DPYD: variants seen among roughly 807,000 people sequenced by gnomAD.
DPYD encodes dihydropyrimidine dehydrogenase [NADP(+)].
In DPYD, 109 loss-of-function variants were observed where a neutral mutation model predicts 116.2. That is an observed-to-expected ratio of 0.94 (90% confidence interval 0.80 to 1.10). The LOEUF (loss-of-function observed/expected upper bound fraction) is 1.10. DPYD is among the 50% of genes least tolerant of loss of function. DPYD has a pLI of 0.00. For synonymous variants in DPYD, 440 were observed against 432.0 expected (o/e 1.02, Z -0.23); for missense variants, 1,302 against 1,254.5 (o/e 1.04, Z -0.57).
At chr1:97,205,396 C>A (rs565884766) in intron 19 of DPYD, among the ~76,000 whole-genome samples, 1 of 151,598 alleles carries the variant, frequency 6.6e-6, no homozygotes, top group African/African-American at 2.4e-5. Context: ...TCCAATATGT[C>A]GTATAATTGA....
chr1:97,908,704 C>A (rs1281083323), intron 1 of DPYD, among the ~76,000 whole-genome samples: 6 of 152,088 alleles, frequency 3.9e-5, no homozygotes, highest in Non-Finnish European at 8.8e-5. Context: ...ACATACCACT[C>A]CAATCTTTAC....
intron 12 of DPYD, chr1:97,545,949 C>T: frequency 8.6e-7 from 1 of 1,161,774 alleles, no homozygotes; most frequent in South Asian, 1.2e-5. Context: ...TCATACTCTA[C>T]TGCACTTCCT....
At chr1:97,669,105 T>A (rs930117969) in intron 8 of DPYD, among the ~76,000 whole-genome samples, 2 of 152,118 alleles carry the variant, frequency 1.3e-5, no homozygotes, top group African/African-American at 4.8e-5. Flanking sequence ...GGGGTGGGTG[T>A]GAACAGAGCC....
At chr1:97,455,278 T>C (rs1220730013) in intron 13 of DPYD, among the ~76,000 whole-genome samples, 1 of 151,930 alleles carries the variant, frequency 6.6e-6, no homozygotes, top group Admixed American at 6.6e-5. Flanking sequence ...GTATAGTGTA[T>C]ATCGCTATGA....
chr1:97,796,788 C>T (rs973300041), intron 3 of DPYD: 12 of 152,086 alleles, frequency 7.9e-5, no homozygotes, highest in African/African-American at 2.7e-4. Flanking sequence ...CAGTAGCTCA[C>T]GTTACTGTTA....
chr1:97,458,089 A>G (rs983666164), intron 13 of DPYD, among the ~76,000 whole-genome samples: 2 of 152,200 alleles, frequency 1.3e-5, no homozygotes, highest in African/African-American at 2.4e-5. Context: ...ATATGCTTTG[A>G]AGAAATCTTT....
chr1:97,167,475 C>A (rs1656412072), intron 20 of DPYD, among the ~76,000 whole-genome samples: 1 of 152,060 alleles, frequency 6.6e-6, no homozygotes, highest in Non-Finnish European at 1.5e-5. Context: ...TAACTGAGAT[C>A]AAATTATATC....
At chr1:97,384,397 A>G (rs947651286) in intron 14 of DPYD, among the ~76,000 whole-genome samples, 5 of 152,038 alleles carry the variant, frequency 3.3e-5, no homozygotes, top group East Asian at 1.9e-4. Context: ...TGGATAGACT[A>G]TAAACACCAT....
At chr1:97,594,989 A>T in intron 9 of DPYD, 70 bp downstream of exon 9, 1 of 1,223,940 alleles carries the variant, frequency 8.2e-7, no homozygotes, top group Non-Finnish European at 1.2e-6. Context: ...GCTGAGCTTG[A>T]TTTTGATATT....
At chr1:97,206,622 T>G (rs1659618200) in intron 19 of DPYD, among the ~76,000 whole-genome samples, 1 of 125,772 alleles carries the variant, frequency 8.0e-6, no homozygotes. Flanking sequence ...GGCTTTCATG[T>G]GAAAACAGGG....
chr1:97,475,012 G>A (rs1425021573), intron 13 of DPYD, among the ~76,000 whole-genome samples: 3 of 151,962 alleles, frequency 2.0e-5, no homozygotes, highest in Non-Finnish European at 4.4e-5. Context: ...ATGTAATAAA[G>A]GTTAATAATA....
intron 16 of DPYD, among the ~76,000 whole-genome samples, chr1:97,335,822 G>A (rs114288769): frequency 0.031 from 4,653 of 152,214 alleles, 240 homozygotes; most frequent in African/African-American, 0.11. Context: ...TGAAAGCAAA[G>A]ACAACAGAGT....
chr1:97,875,003 T>C (rs978099442), intron 2 of DPYD, among the ~76,000 whole-genome samples: 14 of 151,912 alleles, frequency 9.2e-5, no homozygotes, highest in Non-Finnish European at 1.5e-5. Flanking sequence ...ATTGATCAAA[T>C]ATGGCAAGTA....
chr1:97,787,721 G>A (rs1249863938), intron 3 of DPYD, among the ~76,000 whole-genome samples: 1 of 152,110 alleles, frequency 6.6e-6, no homozygotes, highest in Non-Finnish European at 1.5e-5. Context: ...CAATAATAGA[G>A]CACTTTTGAA....
intron 12 of DPYD, among the ~76,000 whole-genome samples, chr1:97,531,387 G>C (rs1159222852): frequency 6.6e-6 from 1 of 151,962 alleles, no homozygotes; most frequent in Non-Finnish European, 1.5e-5. Context: ...TCCTTTCCCC[G>C]CTATGCATTC....
intron 12 of DPYD, among the ~76,000 whole-genome samples, chr1:97,532,926 T>G (rs1004659223): frequency 3.3e-5 from 5 of 151,642 alleles, no homozygotes; most frequent in Non-Finnish European, 5.9e-5. Flanking sequence ...TTTTTTTTGT[T>G]GTTGTTGTTG....
At chr1:97,241,940 A>G (rs1279847327) in intron 18 of DPYD, among the ~76,000 whole-genome samples, 2 of 151,122 alleles carry the variant, frequency 1.3e-5, no homozygotes, top group African/African-American at 4.8e-5. Context: ...CTTAATTTTT[A>G]AGGGTTGTTA....
rs538666954 is a variant in DPYD at position 97,845,921 on chromosome 1, C to T, written c.151-17725G>A. Among the ~76,000 whole-genome samples, 9 of 152,342 alleles carry T rather than the reference C, an allele frequency of 5.9e-5. No individual in the cohort carries two copies. In the East Asian group the frequency reaches 1.7e-3, roughly 29 times the overall value. ...CTGCAGCCTCACATGGAGCCGGGAC[C>T]TGTACCAGTGCCTGGAGCTGCCCAC... On this transcript the variant is annotated intron_variant, in intron 2 of 22. Transcript: ENST00000370192.
chr1:97,546,705 T>C (rs1209849855), intron 12 of DPYD: 7 of 1,613,022 alleles, frequency 4.3e-6, no homozygotes, highest in Non-Finnish European at 5.9e-6. Flanking sequence ...CACTAAAAGA[T>C]ACAGAGGAAG....
Sources: allele counts gnomAD v4.1 joint callset (sites outside exome capture counted in the v4.1 genomes callset), GRCh38; gene constraint gnomAD v4.1.1; transcripts MANE v1.5; gene names NCBI Gene and HGNC (gene_info 2026-07-23, HGNC 2026-07-21).